Variants in SZT2 observed in about 807,000 individuals in gnomAD.
SZT2 encodes SZT2 subunit of KICSTOR complex.
In SZT2, 216 loss-of-function variants were observed where a neutral mutation model predicts 404.2. That is an observed-to-expected ratio of 0.53 (90% CI 0.48 to 0.60). The LOEUF is 0.60. SZT2 is among the 20% of genes least tolerant of loss of function. The probability of loss-of-function intolerance (pLI) is 0.00; values close to 1 mark genes in which losing one functional copy is unlikely to be tolerated. For synonymous variants in SZT2, 1,693 were observed against 1,749.9 expected (o/e 0.97, Z 0.81); for missense variants, 3,857 against 4,459.2 (o/e 0.86, Z 3.85).
At position 43,424,551 on chromosome 1, in the gene SZT2, G is replaced by A. The variant is rs1250423547; in HGVS notation, c.2471+119G>A. On this transcript the variant is annotated intron_variant, in intron 16 of 71. Transcript: ENST00000634258. The surrounding 1 kb of genome is among the most constrained non-coding windows in gnomAD (Gnocchi z 4.1). ...TCTCTAATTCCCAGTCTGAAGTATAGAGCAGCATCTGCTACTGCCCTCCCT... is the reference window on the plus strand; with the variant it reads ...TCTCTAATTCCCAGTCTGAAGTATAAAGCAGCATCTGCTACTGCCCTCCCT... 9.1e-7 allele frequency: 1 copy of A among 1,093,748 alleles called. No individual in the cohort carries two copies. The highest frequency in any genetic ancestry group is 1.6e-5 in the African/African-American group (1 of 64,176). The allele number at this position is 1,093,748 out of a possible 1,614,324, so 67.8% of individuals were successfully genotyped here.
chr1:43,438,159 T>C (rs1654665540), intron 46 of SZT2: 1 of 464,538 alleles, frequency 2.2e-6, no homozygotes, highest in South Asian at 2.2e-5. Context: ...AAGCAGGAGC[T>C]GCATGGGAAG....
Position 43,438,686 on chromosome 1 carries a change from T to C in SZT2, c.6509-13T>C, listed in dbSNP as rs765913304. On this transcript the variant is annotated splice_polypyrimidine_tract_variant and intron_variant, in intron 46 of 71. Transcript: ENST00000634258. ...TACCAGTGTCCCCACCTTCCCACCA[T>C]GGCTGTGTCAAGGTCCTGAGATCAC... The C allele has an allele frequency of 1.2e-6, 2 of 1,612,666 alleles. No homozygotes were observed. The highest frequency in any genetic ancestry group is 2.7e-5 in the African/African-American group (2 of 74,892).
At position 43,402,315 on chromosome 1, in the gene SZT2, C is replaced by T. The variant is rs150787626; in HGVS notation, c.28-862C>T. ...TCAGACCAATTGACCTTTATTTCCTCAGTGAACTGTGGGCAAGTTTATCTG... is the reference window on the plus strand; with the variant it reads ...TCAGACCAATTGACCTTTATTTCCTTAGTGAACTGTGGGCAAGTTTATCTG... On this transcript the variant is annotated intron_variant, in intron 1 of 71. Coordinates refer to ENST00000634258, the MANE Select transcript of SZT2 (RefSeq NM_001365999.1). Among the ~76,000 whole-genome samples, 203 of 152,254 alleles carry T rather than the reference C, an allele frequency of 1.3e-3. No homozygotes were observed. The East Asian group carries it at 0.026, about 19-fold the overall frequency.
Position 43,442,755 on chromosome 1 carries a change from C to G in SZT2, c.8152-64C>G. On this transcript the variant is annotated intron_variant, in intron 58 of 71. Transcript: ENST00000634258. This position sits in a 1 kb window ranked among gnomAD's most constrained non-coding sequence, Gnocchi z 4.5. Reference sequence around the variant, plus strand: ...GAGGGAGAGTCTGAGAGAGGAAGCCCTGGGATGAGAGAGAGGGTCCGAGGG... The same window carrying G: ...GAGGGAGAGTCTGAGAGAGGAAGCCGTGGGATGAGAGAGAGGGTCCGAGGG... 6.5e-7 allele frequency: 1 copy of G among 1,541,030 alleles called. No individual in the cohort carries two copies. The highest frequency in any genetic ancestry group is 8.7e-7 in the Non-Finnish European group (1 of 1,144,556).
intron 4 of SZT2, 77 bp downstream of exon 4, chr1:43,404,627 T>C (rs1245277749): frequency 4.1e-6 from 6 of 1,478,126 alleles, no homozygotes; most frequent in Non-Finnish European, 5.5e-6. Context: ...TTATCCTGTC[T>C]CTGCTGTTTG....
intron 61 of SZT2, 43 bp downstream of exon 61, chr1:43,443,520 C>T (rs539712717): frequency 1.9e-6 from 3 of 1,613,642 alleles, no homozygotes; most frequent in Admixed American, 1.7e-5. Flanking sequence ...TTGCTTACCC[C>T]ACAGTGACCC....
chr1:43,430,446 A>G (rs1653730614), intron 31 of SZT2, 50 bp from the exon 32 acceptor site: 3 of 1,604,794 alleles, frequency 1.9e-6, no homozygotes, highest in Middle Eastern at 1.7e-4. Context: ...CCGAGATTCA[A>G]GGGTTCCACT....
At position 43,453,096 on chromosome 1, in the gene SZT2, A is replaced by G; in HGVS notation, c.*2616A>G. On this transcript the variant is annotated 3_prime_UTR_variant, in exon 72 of 72. Coordinates refer to ENST00000634258, the MANE Select transcript of SZT2 (RefSeq NM_001365999.1). ...TACCCTGCTCCCACAGCTTCCTGGA[A>G]TAGGCCTGTCCTCAAATGCATCACT... 1.3e-6 allele frequency: 1 copy of G among 790,498 alleles called. No individual in the cohort carries two copies. Among genetic ancestry groups the G allele is most frequent in the Non-Finnish European group, 2.2e-6 (1 of 454,334 alleles). The allele number at this position is 790,498 out of a possible 1,614,324, so 49.0% of individuals were successfully genotyped here. A position where few individuals can be genotyped will look rare whatever the true frequency, so the allele number is the denominator to read the frequency against.
Position 43,427,165 on chromosome 1 carries a change from C to T in SZT2, c.3419C>T (p.Pro1140Leu). Residue 1140 changes from proline (P) to leucine (L), a missense_variant, in exon 24 of 72, where the codon CCA (proline) becomes CTA (leucine). Transcript: ENST00000634258. ...NPQHVFLTFL[P>L]ATFSDVQRLA... The stretch of plus-strand genomic sequence containing the variant: ...CAGCATGTGTTTCTGACTTTTCTCC[C>T]AGCTACCTTCTCAGGTGCCAGCTGC... 1.2e-6 allele frequency: 2 copies of T among 1,614,214 alleles called. No individual in the cohort carries two copies. The highest frequency in any genetic ancestry group is 2.2e-5 in the South Asian group (2 of 91,078).
intron 1 of SZT2, among the ~76,000 whole-genome samples, chr1:43,396,041 G>A (rs1401024593): frequency 6.6e-6 from 1 of 152,236 alleles, no homozygotes; most frequent in Non-Finnish European, 1.5e-5. Context: ...AGGATAAAAT[G>A]GGAGATGTGT....
Position 43,441,260 on chromosome 1 carries a change from A to T in SZT2, c.7391A>T (p.Asp2464Val). ...TTGGGTTCCCCCAAAACAACTGATG[A>T]CATTGTCCTGGATCGGCCAGAAGAC... Reference protein sequence around the residue: ...GDLGSPKTTDDIVLDRPEDTR... With the variant: ...GDLGSPKTTDVIVLDRPEDTR... Residue 2464 changes from aspartate to valine, a missense_variant, in exon 53 of 72, where the codon GAC becomes GTC. Around this residue, in one of 7 missense-constraint regions of SZT2, gnomAD observed 573 missense variants for 592.4 expected, o/e 0.97. Coordinates refer to ENST00000634258, the MANE Select transcript of SZT2 (RefSeq NM_001365999.1). This position sits in a 1 kb window ranked among gnomAD's most constrained non-coding sequence, Gnocchi z 4.8. The T allele has an allele frequency of 6.2e-7, 1 of 1,614,248 alleles. No individual in the cohort carries two copies. Among genetic ancestry groups the T allele is most frequent in the Non-Finnish European group, 8.5e-7 (1 of 1,180,054 alleles).
Position 43,442,260 on chromosome 1 carries a change from C to T in SZT2, c.7874-8C>T, listed in dbSNP as rs756982379. 1.9e-6 allele frequency: 3 copies of T among 1,611,720 alleles called. No homozygotes were observed. The highest frequency in any genetic ancestry group is 2.5e-6 in the Non-Finnish European group (3 of 1,178,728). On this transcript the variant is annotated splice_polypyrimidine_tract_variant and splice_region_variant and intron_variant, in intron 56 of 71. Coordinates refer to ENST00000634258, the MANE Select transcript of SZT2 (RefSeq NM_001365999.1). This position sits in a 1 kb window ranked among gnomAD's most constrained non-coding sequence, Gnocchi z 4.5. ...AGGCCCCTATTGTGCCCCTCCCCCACCCTGTAGCTGCCAAAGCCATGCAGC... is the reference window on the plus strand; with the variant it reads ...AGGCCCCTATTGTGCCCCTCCCCCATCCTGTAGCTGCCAAAGCCATGCAGC...
chr1:43,419,788 T>C lies in SZT2; in HGVS notation c.934T>C (p.Leu312=). ...CSFGHVPNVE[L]MKFIAMATFG... The stretch of plus-strand genomic sequence containing the variant: ...TTTTGGCCATGTGCCCAATGTGGAA[T>C]TAATGAAGTTCATCGCAATGGCAAC... Residue 312 remains leucine, a synonymous_variant, in exon 8 of 72, where the codon TTA becomes CTA. Transcript: ENST00000634258. The C allele has an allele frequency of 6.3e-7, 1 of 1,598,490 alleles. No individual in the cohort carries two copies. Among genetic ancestry groups the C allele is most frequent in the Non-Finnish European group, 8.5e-7 (1 of 1,179,812 alleles).
intron 1 of SZT2, among the ~76,000 whole-genome samples, chr1:43,396,790 G>A (rs1297138546): frequency 1.3e-5 from 2 of 152,074 alleles, no homozygotes; most frequent in Non-Finnish European, 2.9e-5. Context: ...ACCCCCATTT[G>A]CACTCCCCCA....
chr1:43,435,120 G>A (rs1466130907), intron 41 of SZT2, 80 bp from the exon 42 acceptor site: 5 of 1,511,544 alleles, frequency 3.3e-6, no homozygotes, highest in Non-Finnish European at 4.5e-6. Context: ...CATTCTCTCT[G>A]GCATTTGATC....
At chr1:43,406,254 A>G (rs1650298828) in intron 4 of SZT2, 1 of 334,298 alleles carries the variant, frequency 3.0e-6, no homozygotes, top group African/African-American at 2.3e-5. Flanking sequence ...CACCCGGCTA[A>G]TTTTTGTTTT....
intron 4 of SZT2, 30 bp from the exon 5 acceptor site, chr1:43,415,052 C>G: frequency 6.3e-7 from 1 of 1,593,602 alleles, no homozygotes; most frequent in Non-Finnish European, 8.5e-7. Context: ...CCTGACCGTC[C>G]TGTCTCAGTC....
chr1:43,428,493 A>T lies in SZT2; in HGVS notation c.4166+7A>T, dbSNP rs1653457511. The T allele has an allele frequency of 6.2e-7, 1 of 1,612,264 alleles. No individual in the cohort carries two copies. Among genetic ancestry groups the T allele is most frequent in the Non-Finnish European group, 8.5e-7 (1 of 1,179,774 alleles). On this transcript the variant is annotated splice_region_variant and intron_variant, in intron 28 of 71. Transcript: ENST00000634258. The stretch of plus-strand genomic sequence containing the variant: ...TCCTAGCTTCTGAATCCAGGTTAGG[A>T]TTATACTTGAATGATGGATAAGGGG...
In SZT2 at chr1:43,442,503, T is replaced by C. The variant is rs1655175665; in HGVS notation, c.8036T>C (p.Val2679Ala). The C allele has an allele frequency of 1.2e-6, 2 of 1,614,138 alleles. No individual in the cohort carries two copies. The highest frequency in any genetic ancestry group is 1.7e-6 in the Non-Finnish European group (2 of 1,180,006). ...GGGGCAGCATTGGGCCGAGCGCTGGTTCGCCTGGTGCAGTGGCAGAATGCA... is the reference window on the plus strand; with the variant it reads ...GGGGCAGCATTGGGCCGAGCGCTGGCTCGCCTGGTGCAGTGGCAGAATGCA... ...DLGAALGRAL[V>A]RLVQWQNARA... The change falls in exon 58 of 72, where the codon GTT becomes GCT. Residue 2679 changes from valine to alanine, a missense_variant. Coordinates refer to ENST00000634258, the MANE Select transcript of SZT2 (RefSeq NM_001365999.1). This position sits in a 1 kb window ranked among gnomAD's most constrained non-coding sequence, Gnocchi z 4.5.
Sources: gnomAD v4.1 joint callset for allele counts (sites outside exome capture counted in the v4.1 genomes callset) on GRCh38, gnomAD v4.1.1 for gene constraint, gnomAD v4.1.1 regional missense constraint, Gnocchi (gnomAD v3.1) non-coding constraint, MANE v1.5 for transcripts, NCBI Gene and HGNC (gene_info 2026-07-23, HGNC 2026-07-21) for gene names.